Variants in PEX5L observed in about 807,000 individuals in gnomAD.
The protein encoded by PEX5L is PEX5-related protein.
PEX5L carries 30 observed loss-of-function variants against 84.0 expected under a neutral mutation model. That is an observed-to-expected ratio of 0.36 (90% CI 0.27 to 0.48). PEX5L has a LOEUF of 0.48. Among genes scored for constraint, PEX5L ranks in the 20% least tolerant of loss-of-function variants. The pLI, the probability that PEX5L is intolerant of heterozygous loss-of-function variation, is 0.99. For synonymous variants in PEX5L, 270 were observed against 283.1 expected, an observed-to-expected ratio of 0.95 and a Z score of 0.46; for missense variants, 533 against 754.6, an observed-to-expected ratio of 0.71 and a Z score of 3.44.
At chr3:179,959,467 T>G (rs1424344815) in intron 2 of PEX5L, among the ~76,000 whole-genome samples, 1 of 152,232 alleles carries the variant, frequency 6.6e-6, no homozygotes, top group Non-Finnish European at 1.5e-5. Flanking sequence ...GTTATCTCTG[T>G]GTTCCAGCAC....
chr3:179,900,132 T>A (rs1349639652), intron 2 of PEX5L, among the ~76,000 whole-genome samples: 1 of 152,150 alleles, frequency 6.6e-6, no homozygotes, highest in South Asian at 2.1e-4. Context: ...ACTTAGTACA[T>A]CTTTATAAGC....
chr3:179,829,680 T>C (rs1466471899), intron 8 of PEX5L, among the ~76,000 whole-genome samples: 2 of 152,182 alleles, frequency 1.3e-5, no homozygotes, highest in Non-Finnish European at 2.9e-5. Flanking sequence ...CGTTTTCCTT[T>C]GATGCAGGCA....
chr3:179,959,909 T>C (rs1781590043), intron 2 of PEX5L, among the ~76,000 whole-genome samples: 1 of 152,200 alleles, frequency 6.6e-6, no homozygotes, highest in African/African-American at 2.4e-5. Flanking sequence ...ACTATGTGTT[T>C]TCCTCCAAAA....
rs980319204 is a variant in PEX5L at position 180,034,639 on chromosome 3, C to T, written c.21+1940G>A. 7.2e-5 allele frequency among the ~76,000 whole-genome samples: 11 copies of T among 152,004 alleles called. 1 individual carries two copies. Among genetic ancestry groups the T allele is most frequent in the African/African-American group, 2.2e-4 (9 of 41,476 alleles). On this transcript the variant is annotated intron_variant, in intron 1 of 14. Transcript: ENST00000467460. ...CTACTAAACGTACCTACTAAGGCCT[C>T]GGAAGTTTTATGCTTAACATTAATG...
rs1183511241 is a variant in PEX5L, at chr3:179,799,526, TTA to T, written c.*2300_*2301del. The stretch of plus-strand genomic sequence containing the variant: ...TAGCAACAAATTAATTATTTGACAT[TTA>T]TACTAGTTTCAGGCTTTAAATCCAG... On this transcript the variant is annotated 3_prime_UTR_variant, in exon 15 of 15. Transcript: ENST00000467460. 6.6e-6 allele frequency: 1 copy of T among 152,198 alleles called. No individual in the cohort carries two copies. The highest frequency in any genetic ancestry group is 1.9e-4 in the East Asian group (1 of 5,192). The allele number at this position is 152,198 out of a possible 1,614,324, so 9.4% of individuals were successfully genotyped here. A position where few individuals can be genotyped will look rare whatever the true frequency, so the allele number is the denominator to read the frequency against.
chr3:179,882,653 AAAGT>A, intron 4 of PEX5L, among the ~76,000 whole-genome samples: 1 of 152,348 alleles, frequency 6.6e-6, no homozygotes, highest in African/African-American at 2.4e-5. Flanking sequence ...CTAAGATTTA[AAAGT>A]AAGAATCTTA....
At chr3:179,943,417 T>A (rs1776683281) in intron 2 of PEX5L, among the ~76,000 whole-genome samples, 1 of 152,262 alleles carries the variant, frequency 6.6e-6, no homozygotes, top group Non-Finnish European at 1.5e-5. Flanking sequence ...ATGAATTGGA[T>A]GAATAAAGAG....
chr3:180,008,853 C>T (rs758717549), intron 1 of PEX5L, among the ~76,000 whole-genome samples: 8 of 152,160 alleles, frequency 5.3e-5, no homozygotes, highest in Non-Finnish European at 7.4e-5. Context: ...ATACAATTCA[C>T]GAAGAGAATA....
At chr3:179,935,308 A>T (rs948778720) in intron 2 of PEX5L, among the ~76,000 whole-genome samples, 1 of 152,252 alleles carries the variant, frequency 6.6e-6, no homozygotes, top group Non-Finnish European at 1.5e-5. Flanking sequence ...GATTTGTAGG[A>T]GCTACAACAA....
chr3:179,997,414 G>A (rs1787987517), intron 1 of PEX5L, among the ~76,000 whole-genome samples: 1 of 152,208 alleles, frequency 6.6e-6, no homozygotes, highest in African/African-American at 2.4e-5. Flanking sequence ...AATTGGCATA[G>A]ACATGCTTAG....
At chr3:180,026,090 T>C (rs1176477078) in intron 1 of PEX5L, among the ~76,000 whole-genome samples, 1 of 151,892 alleles carries the variant, frequency 6.6e-6, no homozygotes, top group Non-Finnish European at 1.5e-5. Flanking sequence ...TGAGGAATTA[T>C]TAAGCGACGT....
chr3:179,977,328 G>A (rs1008846585), intron 1 of PEX5L, among the ~76,000 whole-genome samples: 7 of 152,154 alleles, frequency 4.6e-5, no homozygotes, highest in African/African-American at 1.4e-4. Flanking sequence ...GTGTTTAAAC[G>A]CTCGTAGAGA....
chr3:179,917,587 G>A (rs555199986), intron 2 of PEX5L, among the ~76,000 whole-genome samples: 13 of 152,250 alleles, frequency 8.5e-5, no homozygotes, highest in African/African-American at 2.9e-4. Context: ...TAGGTGATAG[G>A]AATTTTTCAG....
chr3:179,890,169 C>T (rs538769332), intron 3 of PEX5L, among the ~76,000 whole-genome samples: 41 of 152,276 alleles, frequency 2.7e-4, no homozygotes, highest in African/African-American at 9.6e-4. Context: ...GTGATCAACG[C>T]AGTGATGAGG....
intron 8 of PEX5L, among the ~76,000 whole-genome samples, chr3:179,839,393 C>T (rs1442791700): frequency 6.6e-6 from 1 of 152,038 alleles, no homozygotes; most frequent in African/African-American, 2.4e-5. Context: ...GAGTTGAGAC[C>T]CACTTCGCAG....
intron 7 of PEX5L, among the ~76,000 whole-genome samples, chr3:179,868,463 G>A (rs2108637023): frequency 6.6e-6 from 1 of 152,112 alleles, no homozygotes; most frequent in Admixed American, 6.6e-5. Flanking sequence ...TGCACTTAAG[G>A]TTTAAATTGC....
chr3:179,847,375 T>C (rs1393907233), intron 8 of PEX5L, among the ~76,000 whole-genome samples: 1 of 152,100 alleles, frequency 6.6e-6, no homozygotes, highest in African/African-American at 2.4e-5. Context: ...ATATAAGATC[T>C]AAGGTACTGA....
chr3:179,986,648 C>T (rs1319606428), intron 1 of PEX5L, among the ~76,000 whole-genome samples: 2 of 152,000 alleles, frequency 1.3e-5, no homozygotes, highest in African/African-American at 4.8e-5. Context: ...GTGATCCGCC[C>T]GTCTTGGCCT....
intron 2 of PEX5L, among the ~76,000 whole-genome samples, chr3:179,920,805 C>T (rs919027346): frequency 5.3e-5 from 8 of 151,822 alleles, no homozygotes; most frequent in East Asian, 1.9e-4. Context: ...AATAAATGCT[C>T]GGAAAGTATT....
Sources: allele counts gnomAD v4.1 joint callset (sites outside exome capture counted in the v4.1 genomes callset), GRCh38; gene constraint gnomAD v4.1.1; transcripts MANE v1.5; gene names NCBI Gene and HGNC (gene_info 2026-07-23, HGNC 2026-07-21).